Variants in UNC13C observed in about 807,000 individuals in gnomAD.
UNC13C encodes the protein protein unc-13 homolog C.
In UNC13C, 174 loss-of-function variants were observed where a neutral mutation model predicts 245.4. The ratio of observed to expected loss-of-function variants is 0.71; its 90% CI spans 0.63 to 0.80. The LOEUF is 0.80. UNC13C is among the 30% of genes least tolerant of loss of function. The pLI, the probability that UNC13C is intolerant of heterozygous loss-of-function variation, is 0.00. For missense variants in UNC13C, 2,829 were observed against 2,602.9 expected, an observed-to-expected ratio of 1.09 and a Z score of -1.89; for synonymous variants, 992 against 895.1, an observed-to-expected ratio of 1.11 and a Z score of -1.93.
intron 12 of UNC13C, among the ~76,000 whole-genome samples, chr15:54,299,255 T>A (rs928705927): frequency 6.6e-6 from 1 of 152,198 alleles, no homozygotes. Context: ...TCCTTCAGTT[T>A]ACCCTGGCTT....
chr15:54,326,779 A>AGTAT (rs1231839312), intron 14 of UNC13C, among the ~76,000 whole-genome samples: 2 of 151,990 alleles, frequency 1.3e-5, no homozygotes, highest in African/African-American at 4.8e-5. Flanking sequence ...TAACTCAGGG[A>AGTAT]GTAGATTGTT....
chr15:54,616,899 T>A (rs1411682971), intron 30 of UNC13C, among the ~76,000 whole-genome samples: 2 of 152,072 alleles, frequency 1.3e-5, no homozygotes, highest in Non-Finnish European at 2.9e-5. Flanking sequence ...TATAGGTGTC[T>A]TGTTTTTATG....
At chr15:54,319,902 A>C (rs1327915725) in intron 13 of UNC13C, among the ~76,000 whole-genome samples, 1 of 152,036 alleles carries the variant, frequency 6.6e-6, no homozygotes, top group African/African-American at 2.4e-5. Flanking sequence ...GAGAAGTAAC[A>C]AACTTGGACC....
intron 2 of UNC13C, among the ~76,000 whole-genome samples, chr15:54,059,895 G>C (rs1044689886): frequency 6.6e-6 from 1 of 152,174 alleles, no homozygotes; most frequent in Non-Finnish European, 1.5e-5. Context: ...AAATGGTGCT[G>C]GGAAAACTGG....
At chr15:54,080,660 G>A (rs565395033) in intron 2 of UNC13C, among the ~76,000 whole-genome samples, 1 of 152,130 alleles carries the variant, frequency 6.6e-6, no homozygotes, top group South Asian at 2.1e-4. Context: ...GGTGTCGGGT[G>A]TGATGACACC....
At chr15:54,004,104 AT>A (rs1895031107) in intron 1 of UNC13C, among the ~76,000 whole-genome samples, 1 of 152,126 alleles carries the variant, frequency 6.6e-6, no homozygotes, top group East Asian at 1.9e-4. Context: ...ATTAGATTGT[AT>A]TCATTATTTC....
intron 2 of UNC13C, among the ~76,000 whole-genome samples, chr15:54,138,477 C>T (rs1407271556): frequency 1.3e-5 from 2 of 151,964 alleles, no homozygotes; most frequent in Admixed American, 1.3e-4. Context: ...TAACCTCAAA[C>T]ATGAGGTTAC....
In UNC13C at chr15:54,450,234, A is replaced by T. The variant is rs1891093685; in HGVS notation, c.4933+35167A>T. On this transcript the variant is annotated intron_variant, in intron 19 of 32. Transcript: ENST00000260323. ...TCGGGGGTCGGGGACCCACTTGAGGAGTCAGTCTGTCCGTTCTCAGATCTC... is the reference window on the plus strand; with the variant it reads ...TCGGGGGTCGGGGACCCACTTGAGGTGTCAGTCTGTCCGTTCTCAGATCTC... 2.0e-5 allele frequency among the ~76,000 whole-genome samples: 3 copies of T among 152,190 alleles called. No individual in the cohort carries two copies. In the South Asian group the frequency reaches 6.2e-4, roughly 32 times the overall value.
intron 19 of UNC13C, among the ~76,000 whole-genome samples, chr15:54,482,347 C>T (rs1567315252): frequency 6.6e-6 from 1 of 152,078 alleles, no homozygotes; most frequent in Non-Finnish European, 1.5e-5. Context: ...GGTTACAGGA[C>T]CCAGCGTGAA....
At chr15:54,120,659 A>G (rs1330094554) in intron 2 of UNC13C, among the ~76,000 whole-genome samples, 3 of 152,062 alleles carry the variant, frequency 2.0e-5, no homozygotes, top group Non-Finnish European at 2.9e-5. Flanking sequence ...GAAAAAGTCA[A>G]TTGAAAACCT....
At chr15:54,454,508 G>A (rs1379793580) in intron 19 of UNC13C, among the ~76,000 whole-genome samples, 1 of 151,662 alleles carries the variant, frequency 6.6e-6, no homozygotes, top group Non-Finnish European at 1.5e-5. Flanking sequence ...AACCCGGGAG[G>A]TGGAGGTTGC....
chr15:54,532,431 TG>T (rs1372720762), intron 25 of UNC13C, among the ~76,000 whole-genome samples: 1 of 152,158 alleles, frequency 6.6e-6, no homozygotes, highest in African/African-American at 2.4e-5. Flanking sequence ...TCAACCTAAA[TG>T]CCCATCAACC....
At chr15:54,462,153 G>T (rs1215223665) in intron 19 of UNC13C, among the ~76,000 whole-genome samples, 1 of 152,184 alleles carries the variant, frequency 6.6e-6, no homozygotes, top group Non-Finnish European at 1.5e-5. Flanking sequence ...AGGCCAAGTA[G>T]TTGAGCATGT....
Position 54,096,549 on chromosome 15 carries a change from C to G in UNC13C, c.2984-46469C>G, listed in dbSNP as rs112333771. The stretch of plus-strand genomic sequence containing the variant: ...CGCTTTCTTCAATATGGATTATGCC[C>G]CATTCTGATAGTGTCTCCTCCCCAG... On this transcript the variant is annotated intron_variant, in intron 2 of 32. Transcript: ENST00000260323. 1.2e-3 allele frequency among the ~76,000 whole-genome samples: 176 copies of G among 152,186 alleles called. 2 individuals carry two copies. Among genetic ancestry groups the G allele is most frequent in the African/African-American group, 3.7e-3 (152 of 41,502 alleles).
At chr15:54,217,166 G>T (rs557674400) in intron 4 of UNC13C, among the ~76,000 whole-genome samples, 29 of 151,980 alleles carry the variant, frequency 1.9e-4, no homozygotes, top group Non-Finnish European at 3.4e-4. Context: ...TATTTGAGAG[G>T]ATCAAAGTAG....
chr15:54,600,321 G>A (rs1024029337), intron 30 of UNC13C, among the ~76,000 whole-genome samples: 7 of 152,012 alleles, frequency 4.6e-5, no homozygotes, highest in African/African-American at 1.7e-4. Flanking sequence ...ATCTAGGGAG[G>A]GATTTTAATG....
At chr15:54,624,990 T>C (rs1901044857) in intron 32 of UNC13C, among the ~76,000 whole-genome samples, 1 of 152,158 alleles carries the variant, frequency 6.6e-6, no homozygotes, top group South Asian at 2.1e-4. Context: ...GAAAACTTGA[T>C]GTATGCTTGA....
chr15:54,269,546 T>C (rs2036631544), intron 10 of UNC13C, among the ~76,000 whole-genome samples: 1 of 152,144 alleles, frequency 6.6e-6, no homozygotes, highest in South Asian at 2.1e-4. Flanking sequence ...AGAAATCAAC[T>C]GAGTAATGAT....
intron 4 of UNC13C, among the ~76,000 whole-genome samples, chr15:54,172,723 T>A (rs1201343510): frequency 9.9e-4 from 13 of 13,090 alleles, no homozygotes; most frequent in East Asian, 3.6e-3. Context: ...TATATATATA[T>A]ATATATATAT....
Sources: allele counts gnomAD v4.1 joint callset (sites outside exome capture counted in the v4.1 genomes callset), GRCh38; gene constraint gnomAD v4.1.1; transcripts MANE v1.5; gene names NCBI Gene and HGNC (gene_info 2026-07-23, HGNC 2026-07-21).